Variants in APBA3 observed in about 807,000 individuals in gnomAD.
APBA3 encodes the protein amyloid-beta A4 precursor protein-binding family A member 3.
In APBA3, 45 loss-of-function variants were observed where a neutral mutation model predicts 55.9. The ratio of observed to expected loss-of-function variants is 0.80; its 90% CI spans 0.63 to 1.03. The LOEUF (loss-of-function observed/expected upper bound fraction) is 1.03. Ranked by LOEUF, APBA3 falls within the 50% of genes least tolerant of loss-of-function variation. The pLI is 0.00. For synonymous variants in APBA3, 370 were observed against 353.3 expected, an observed-to-expected ratio of 1.05 and a Z score of -0.53; for missense variants, 865 against 820.3, an observed-to-expected ratio of 1.05 and a Z score of -0.67.
At chr19:3,753,483 A>G (rs1222359463) in intron 6 of APBA3, 4 of 421,436 alleles carry the variant, frequency 9.5e-6, no homozygotes, top group South Asian at 4.6e-5. Flanking sequence ...CCGTGTCTCT[A>G]TAAAAAATAC....
rs2037048308 is a variant in APBA3 at position 3,754,231 on chromosome 19, G to A, written c.726C>T (p.Arg242=). 1.9e-6 allele frequency: 3 copies of A among 1,544,518 alleles called. No individual in the cohort carries two copies. Among genetic ancestry groups the A allele is most frequent in the African/African-American group, 1.4e-5 (1 of 72,630 alleles). Residue 242 remains arginine, a synonymous_variant, in exon 4 of 11, where the codon CGC becomes CGT. Coordinates refer to ENST00000316757, the MANE Select transcript of APBA3 (RefSeq NM_004886.4). ...CCATGGCCTCCCGGGCCTGGGCCAT[G>A]CGCGTGCTGGTGGGCGGGTTCCGTT... ...VSERNPPTST[R]MAQAREAMDR...
chr19:3,758,974 T>C lies in APBA3; in HGVS notation c.616+587A>G, dbSNP rs541518491. On this transcript the variant is annotated intron_variant, in intron 3 of 10. Coordinates refer to ENST00000316757, the MANE Select transcript of APBA3 (RefSeq NM_004886.4). ...TGGTGGCTCACGCCTGTAATCTCAG[T>C]ACTCTGGGAGGCTGAGGCAGGCAGA... is the stretch of plus-strand genomic sequence containing the variant. Among the ~76,000 whole-genome samples, 9 of 152,112 alleles carry C rather than the reference T, an allele frequency of 5.9e-5. No individual in the cohort carries two copies. The East Asian group carries it at 1.7e-3, about 29-fold the overall frequency.
In APBA3 at chr19:3,752,854, A is replaced by T; in HGVS notation, c.1148T>A (p.Leu383Gln). The change falls in exon 7 of 11, where the codon CTG becomes CAG. Residue 383 changes from leucine to glutamine, a missense_variant. Physicochemically the swap from Leu to Gln is moderately radical, Grantham distance 113 (BLOSUM62 -2). Coordinates refer to ENST00000316757, the MANE Select transcript of APBA3 (RefSeq NM_004886.4). Reference protein sequence around the residue: ...PGACHLHNGDLDHFSNSDNCR... With the variant: ...PGACHLHNGDQDHFSNSDNCR... ...GTTGTCACTGTTGGAGAAGTGGTCC[A>T]GGTCCCCATTATGGAGGTGGCAGGC... The T allele has an allele frequency of 6.2e-7, 1 of 1,613,364 alleles. No homozygotes were observed. The highest frequency in any genetic ancestry group is 8.5e-7 in the Non-Finnish European group (1 of 1,179,870).
chr19:3,753,556 G>A, intron 6 of APBA3: 1 of 530,248 alleles, frequency 1.9e-6, no homozygotes, highest in Non-Finnish European at 3.3e-6. Context: ...TGAAGTGGGA[G>A]GATCGCTTGA....
At chr19:3,752,752 A>G (rs1235630150) in intron 7 of APBA3, 32 bp from the exon 8 acceptor site, 3 of 1,608,018 alleles carry the variant, frequency 1.9e-6, no homozygotes, top group Non-Finnish European at 2.5e-6. Flanking sequence ...GAGGCTGCTC[A>G]GCAGGGCCCG....
intron 6 of APBA3, chr19:3,753,370 C>T (rs897051018): frequency 3.0e-5 from 11 of 360,932 alleles, no homozygotes; most frequent in Non-Finnish European, 3.5e-5. Context: ...AGGCTGGACG[C>T]GGTGGCTCAC....
intron 7 of APBA3, 46 bp downstream of exon 7, chr19:3,752,774 C>T (rs372576031): frequency 1.1e-5 from 18 of 1,609,336 alleles, no homozygotes; most frequent in East Asian, 8.9e-5. Context: ...TGCAGGTGCA[C>T]GGGTGTGGGG....
Position 3,759,936 on chromosome 19 carries a change from T to C in APBA3, c.329A>G (p.Asp110Gly), listed in dbSNP as rs2037124138. 3 of 1,610,632 alleles carry C rather than the reference T, an allele frequency of 1.9e-6. No individual in the cohort carries two copies. Among genetic ancestry groups the C allele is most frequent in the Non-Finnish European group, 1.7e-6 (2 of 1,179,194 alleles). The change falls in exon 2 of 11, where the codon GAT becomes GGT. Residue 110 changes from aspartate to glycine, a missense_variant. Asp to Gly is a moderately conservative substitution (Grantham distance 94, BLOSUM62 -1). Coordinates refer to ENST00000316757, the MANE Select transcript of APBA3 (RefSeq NM_004886.4). ...HGLLSAEAGR[D>G]DLLGLLHCEE... ...GCAGTGCAAGAGGCCCAGCAGGTCA[T>C]CCCGGCCAGCTTCGGCAGACAGGAG...
chr19:3,760,726 G>A (rs1181481194), intron 1 of APBA3, among the ~76,000 whole-genome samples: 1 of 148,534 alleles, frequency 6.7e-6, no homozygotes, highest in African/African-American at 2.5e-5. Flanking sequence ...TCCAAGGTGG[G>A]CGACAGACGA....
intron 6 of APBA3, chr19:3,753,276 G>A (rs1236236274): frequency 6.0e-6 from 3 of 501,624 alleles, no homozygotes; most frequent in African/African-American, 1.9e-5. Flanking sequence ...CAGCCAGGGG[G>A]CCTGGGGCCT....
In APBA3 at chr19:3,759,985, G is replaced by C. The variant is rs1323377567; in HGVS notation, c.280C>G (p.Gln94Glu). Residue 94 changes from glutamine (Q) to glutamate (E), a missense_variant, in exon 2 of 11, where the codon CAG becomes GAG. By Grantham distance (29) the Gln-to-Glu change is conservative (BLOSUM62 2). Coordinates refer to ENST00000316757, the MANE Select transcript of APBA3 (RefSeq NM_004886.4). ...AGCCCGTGGGCATCAGCAATCTCCT[G>C]GGAGGCCAGGCCATGGCCTGTGGCA... is the stretch of plus-strand genomic sequence containing the variant. ...HIATGHGLAS[Q>E]EIADAHGLLS... is the part of the protein sequence containing the mutation. The C allele has an allele frequency of 6.2e-7, 1 of 1,610,764 alleles. No homozygotes were observed. Among genetic ancestry groups the C allele is most frequent in the Non-Finnish European group, 8.5e-7 (1 of 1,179,258 alleles).
chr19:3,758,372 C>A (rs1393008708), intron 3 of APBA3, among the ~76,000 whole-genome samples: 1 of 152,082 alleles, frequency 6.6e-6, no homozygotes, highest in African/African-American at 2.4e-5. Context: ...ACTTCTCCCG[C>A]CTCAACCTCC....
chr19:3,756,518 T>C (rs887343396), intron 3 of APBA3: 2 of 152,212 alleles, frequency 1.3e-5, no homozygotes, highest in African/African-American at 4.8e-5. Flanking sequence ...TGATTGTATG[T>C]TGAAATAATA....
intron 6 of APBA3, 152 bp downstream of exon 6, chr19:3,753,613 T>C: frequency 1.3e-6 from 1 of 797,578 alleles, no homozygotes. Flanking sequence ...GCCACTGCAC[T>C]CCAGCCTGGG....
chr19:3,757,261 C>G (rs2145723461), intron 3 of APBA3, among the ~76,000 whole-genome samples: 1 of 152,032 alleles, frequency 6.6e-6, no homozygotes, highest in African/African-American at 2.4e-5. Context: ...ACGTGCCTGG[C>G]TAATTTTGGG....
At chr19:3,757,786 C>T (rs909795445) in intron 3 of APBA3, among the ~76,000 whole-genome samples, 2 of 152,112 alleles carry the variant, frequency 1.3e-5, no homozygotes, top group African/African-American at 4.8e-5. Context: ...TGTAAAGGGC[C>T]AAAGAGTAAA....
intron 6 of APBA3, 157 bp from the exon 7 acceptor site, chr19:3,753,147 GAC>G: frequency 1.2e-6 from 1 of 833,250 alleles, no homozygotes; most frequent in East Asian, 2.7e-5. Flanking sequence ...GAGGTGGAGA[GAC>G]AGCCGCATCT....
At chr19:3,751,650 A>C in intron 8 of APBA3, 97 bp from the exon 9 acceptor site, 1 of 1,377,694 alleles carries the variant, frequency 7.3e-7, no homozygotes, top group Non-Finnish European at 9.7e-7. Flanking sequence ...TAAACCAGAG[A>C]CCTGGAGTCC....
intron 8 of APBA3, among the ~76,000 whole-genome samples, chr19:3,752,248 T>TAG (rs1178631174): frequency 6.6e-6 from 1 of 151,862 alleles, no homozygotes; most frequent in East Asian, 1.9e-4. Context: ...TGTTTCTTGT[T>TAG]AGAGAGAGAG....
Sources: gnomAD v4.1 joint callset for allele counts (sites outside exome capture counted in the v4.1 genomes callset) on GRCh38, gnomAD v4.1.1 for gene constraint, MANE v1.5 for transcripts, NCBI Gene and HGNC (gene_info 2026-07-23, HGNC 2026-07-21) for gene names.